The following COL27A1 variants were observed in gnomAD, a reference collection of about 807,000 sequenced individuals.
COL27A1 encodes collagen alpha-1(XXVII) chain.
Under a neutral mutation model 251.3 loss-of-function variants are expected in COL27A1, and 106 were observed. The observed-to-expected ratio is 0.42, with a 90% CI of 0.36 to 0.50. COL27A1 has a LOEUF of 0.50. Ranked by LOEUF, COL27A1 falls within the 20% of genes least tolerant of loss-of-function variation. COL27A1 has a pLI of 0.00. For synonymous variants in COL27A1, 1,000 were observed against 986.3 expected, an observed-to-expected ratio of 1.01 and a Z score of -0.26; for missense variants, 2,325 against 2,522.8, an observed-to-expected ratio of 0.92 and a Z score of 1.68.
At chr9:114,297,916 A>G (rs903687622) in intron 49 of COL27A1, among the ~76,000 whole-genome samples, 1 of 152,244 alleles carries the variant, frequency 6.6e-6, no homozygotes, top group Non-Finnish European at 1.5e-5. Flanking sequence ...ATGTCTATAC[A>G]CTAGCAATGA....
intron 35 of COL27A1, 146 bp from the exon 36 acceptor site, chr9:114,270,582 C>A: frequency 1.6e-6 from 1 of 624,074 alleles, no homozygotes; most frequent in East Asian, 2.9e-5. Flanking sequence ...CTACCATGCA[C>A]CCACTGTGTG....
At chr9:114,280,731 G>A (rs1256604043) in intron 37 of COL27A1, among the ~76,000 whole-genome samples, 3 of 152,156 alleles carry the variant, frequency 2.0e-5, no homozygotes, top group East Asian at 1.9e-4. Context: ...GGTCCTTCCC[G>A]GGCCACTGTT....
intron 49 of COL27A1, 25 bp downstream of exon 49, chr9:114,292,235 AT>A (rs1827971524): frequency 6.6e-7 from 1 of 1,512,894 alleles, no homozygotes; most frequent in Non-Finnish European, 9.0e-7. Context: ...AAGAATACAC[AT>A]GCCCACGCAC....
chr9:114,222,387 A>G lies in COL27A1; in HGVS notation c.2466+120A>G, dbSNP rs932686259. On this transcript the variant is annotated intron_variant, in intron 14 of 60. Coordinates refer to ENST00000356083, the MANE Select transcript of COL27A1 (RefSeq NM_032888.4). ...GGTTGAAAAGACCCTTCTCTCATCA[A>G]ACCCCCAGAGGGGCTGGGGGGCCAG... The G allele has an allele frequency of 1.7e-5, 13 of 787,854 alleles. No homozygotes were observed. The African/African-American group carries it at 2.3e-4, about 14-fold the overall frequency. The allele number at this position is 787,854 out of a possible 1,614,324, so 48.8% of individuals were successfully genotyped here. A position where few individuals can be genotyped will look rare whatever the true frequency, so the allele number is the denominator to read the frequency against.
chr9:114,191,011 T>C (rs1465304782), intron 5 of COL27A1, among the ~76,000 whole-genome samples: 1 of 152,210 alleles, frequency 6.6e-6, no homozygotes. Context: ...CCTTCACCTG[T>C]CTAGGGGTAC....
intron 49 of COL27A1, among the ~76,000 whole-genome samples, chr9:114,294,042 G>A (rs1019913374): frequency 2.2e-4 from 33 of 150,870 alleles, no homozygotes; most frequent in African/African-American, 7.8e-4. Context: ...TTTGAGACCA[G>A]CCTGGCCAAA....
chr9:114,173,694 A>G (rs1046451917), intron 3 of COL27A1, among the ~76,000 whole-genome samples: 1 of 150,702 alleles, frequency 6.6e-6, no homozygotes. Context: ...GGATTCAGTG[A>G]GATGCGGGGG....
intron 7 of COL27A1, among the ~76,000 whole-genome samples, chr9:114,202,322 C>T (rs1735488618): frequency 6.6e-6 from 1 of 152,188 alleles, no homozygotes; most frequent in Non-Finnish European, 1.5e-5. Context: ...CTGGACCCCA[C>T]ATTATGGTTC....
Position 114,162,742 on chromosome 9 carries a change from C to G in COL27A1, c.90C>G (p.Val30=). Residue 30 remains valine, a synonymous_variant, in exon 2 of 61, where the codon GTC becomes GTG. Coordinates refer to ENST00000356083, the MANE Select transcript of COL27A1 (RefSeq NM_032888.4). The part of the protein sequence containing the change: ...GGGFLFSWIL[V]SFACHLASTQ... ...GGTTTCTCTTCTCCTGGATCTTAGT[C>G]TCGTTTGCCTGTCACCTGGCCTCCA... 6.2e-7 allele frequency: 1 copy of G among 1,612,806 alleles called. No homozygotes were observed. Among genetic ancestry groups the G allele is most frequent in the Admixed American group, 1.7e-5 (1 of 59,854 alleles).
chr9:114,174,486 G>C (rs1274141261), intron 3 of COL27A1, among the ~76,000 whole-genome samples: 2 of 152,310 alleles, frequency 1.3e-5, no homozygotes, highest in South Asian at 2.1e-4. Flanking sequence ...AGGGCACAGG[G>C]AGAGAAATAT....
intron 41 of COL27A1, among the ~76,000 whole-genome samples, chr9:114,285,731 C>T (rs1390211339): frequency 6.6e-6 from 1 of 152,226 alleles, no homozygotes; most frequent in Non-Finnish European, 1.5e-5. Flanking sequence ...CCACTCAGTA[C>T]CCCGGGTCCC....
Position 114,162,932 on chromosome 9 carries a change from T to C in COL27A1, c.133+147T>C. 4.9e-6 allele frequency: 3 copies of C among 609,146 alleles called. No individual in the cohort carries two copies. The South Asian group carries it at 6.1e-5, about 12-fold the overall frequency. 37.7% of individuals were successfully genotyped at this position (609,146 alleles called of 1,614,324 possible). A position where few individuals can be genotyped will look rare whatever the true frequency, so the allele number is the denominator to read the frequency against. ...AGAATGGAGATGATAATTGGCAAAT[T>C]CTCTTTAGGCTTGAAAGAATGACAT... is the stretch of plus-strand genomic sequence containing the variant. On this transcript the variant is annotated intron_variant, in intron 2 of 60. Transcript: ENST00000356083.
chr9:114,211,093 C>G (rs1830327699), intron 12 of COL27A1, 67 bp downstream of exon 12: 7 of 1,484,108 alleles, frequency 4.7e-6, no homozygotes, highest in African/African-American at 1.4e-5. Flanking sequence ...GCCACGCTGC[C>G]CTGGCCACCT....
At chr9:114,236,585 T>TCTTCCC (rs765057867) in intron 17 of COL27A1, among the ~76,000 whole-genome samples, 1 of 152,134 alleles carries the variant, frequency 6.6e-6, no homozygotes, top group Non-Finnish European at 1.5e-5. Flanking sequence ...TCCCTCTTCC[T>TCTTCCC]CTTCCCTCCC....
intron 12 of COL27A1, among the ~76,000 whole-genome samples, chr9:114,214,510 G>A (rs557047273): frequency 1.3e-5 from 2 of 152,336 alleles, no homozygotes; most frequent in South Asian, 4.1e-4. Flanking sequence ...AGAGACAGTG[G>A]AGGTCAAAGC....
intron 41 of COL27A1, among the ~76,000 whole-genome samples, chr9:114,287,505 C>A (rs564277669): frequency 4.0e-5 from 6 of 151,886 alleles, no homozygotes; most frequent in Non-Finnish European, 7.4e-5. Flanking sequence ...TCTGTTCCGC[C>A]CCCCCCACCC....
At position 114,279,031 on chromosome 9, in the gene COL27A1, C is replaced by T. The variant is rs1265151969; in HGVS notation, c.3718-3246C>T. 2.0e-5 allele frequency among the ~76,000 whole-genome samples: 3 copies of T among 152,248 alleles called. No individual in the cohort carries two copies. In the East Asian group the frequency reaches 5.8e-4, roughly 29 times the overall value. On this transcript the variant is annotated intron_variant, in intron 37 of 60. Transcript: ENST00000356083. The stretch of plus-strand genomic sequence containing the variant: ...AAGTGGCACCCTGTCCCAGGGGAGA[C>T]GCAGCCTCCCGTCTCCCTGCCCCTG...
intron 6 of COL27A1, among the ~76,000 whole-genome samples, chr9:114,195,628 G>T (rs1472540119): frequency 6.6e-6 from 1 of 152,230 alleles, no homozygotes; most frequent in African/African-American, 2.4e-5. Flanking sequence ...ATGGCTGATT[G>T]ATATGGGACT....
rs759382056 is a variant in COL27A1, at chr9:114,235,630, A to G, written c.2597A>G (p.Asp866Gly). The G allele has an allele frequency of 1.9e-6, 3 of 1,613,662 alleles. No individual in the cohort carries two copies. The South Asian group carries it at 3.3e-5, about 18-fold the overall frequency. The change falls in exon 17 of 61, where the codon GAT (aspartate) becomes GGT (glycine). Residue 866 changes from aspartate (D) to glycine (G), a missense_variant. Transcript: ENST00000356083. ...GEQGVPGVSG[D>G]PGFQGDKGSQ... ...CAAGGGGTTCCAGGTGTGTCAGGAG[A>G]TCCCGGATTCCAAGGAGACAAGGTA... is the stretch of plus-strand genomic sequence containing the variant.
Sources: allele counts gnomAD v4.1 joint callset (sites outside exome capture counted in the v4.1 genomes callset), GRCh38; gene constraint gnomAD v4.1.1; transcripts MANE v1.5; gene names NCBI Gene and HGNC (gene_info 2026-07-23, HGNC 2026-07-21).